Variants in NUP98 observed in about 807,000 individuals in gnomAD.
The protein encoded by NUP98 is nucleoporin 98 and 96 precursor.
In NUP98, 26 loss-of-function variants were observed where a neutral mutation model predicts 191.9. That is an observed-to-expected ratio of 0.14 (90% confidence interval 0.10 to 0.19). NUP98 has a LOEUF of 0.19. Among genes scored for constraint, NUP98 ranks in the 10% least tolerant of loss-of-function variants. The pLI, the probability that NUP98 is intolerant of heterozygous loss-of-function variation, is 1.00. For missense variants in NUP98, 1,941 were observed against 2,178.8 expected, an observed-to-expected ratio of 0.89 and a Z score of 2.17; for synonymous variants, 808 against 778.4, an observed-to-expected ratio of 1.04 and a Z score of -0.63.
intron 1 of NUP98, among the ~76,000 whole-genome samples, chr11:3,786,766 A>G (rs770270265): frequency 7.2e-5 from 11 of 152,232 alleles, no homozygotes; most frequent in Non-Finnish European, 5.9e-5. Flanking sequence ...TTCTACCCAG[A>G]AAAGTAGTGG....
At chr11:3,742,949 G>A (rs2080338927) in intron 12 of NUP98, among the ~76,000 whole-genome samples, 1 of 152,028 alleles carries the variant, frequency 6.6e-6, no homozygotes, top group South Asian at 2.1e-4. Flanking sequence ...ATTTATCTCA[G>A]TTACTCTGTT....
At chr11:3,693,883 C>A (rs1248433983) in intron 26 of NUP98, among the ~76,000 whole-genome samples, 1 of 152,114 alleles carries the variant, frequency 6.6e-6, no homozygotes, top group African/African-American at 2.4e-5. Flanking sequence ...AGAGAAATGG[C>A]TTAAAATAAT....
intron 1 of NUP98, among the ~76,000 whole-genome samples, chr11:3,793,552 CT>C (rs2082425657): frequency 6.6e-6 from 1 of 151,980 alleles, no homozygotes; most frequent in African/African-American, 2.4e-5. Context: ...TCCCAAAGTG[CT>C]GGATTACAGG....
chr11:3,739,209 C>T (rs902821669), intron 12 of NUP98, among the ~76,000 whole-genome samples: 10 of 152,248 alleles, frequency 6.6e-5, no homozygotes, highest in African/African-American at 2.2e-4. Context: ...TATGCTACCA[C>T]CTTCTACTAA....
At chr11:3,762,744 A>C (rs2081215596) in intron 9 of NUP98, among the ~76,000 whole-genome samples, 158 bp downstream of exon 9, 1 of 152,230 alleles carries the variant, frequency 6.6e-6, no homozygotes, top group Non-Finnish European at 1.5e-5. Context: ...ATTTCATTTT[A>C]TATCAAATAA....
chr11:3,692,207 T>C (rs193178660), intron 27 of NUP98, among the ~76,000 whole-genome samples: 50 of 151,782 alleles, frequency 3.3e-4, no homozygotes, highest in African/African-American at 1.2e-3. Context: ...TATGCACCTG[T>C]GGTCCCAGCT....
Position 3,694,559 on chromosome 11 carries a change from T to A in NUP98, c.4167+890A>T, listed in dbSNP as rs12420101. Among the ~76,000 whole-genome samples, 10 of 149,746 alleles carry A rather than the reference T, an allele frequency of 6.7e-5. No homozygotes were observed. In the East Asian group the frequency reaches 1.8e-3, roughly 27 times the overall value. On this transcript the variant is annotated intron_variant, in intron 26 of 32. Coordinates refer to ENST00000324932, the MANE Select transcript of NUP98 (RefSeq NM_016320.5). ...ACCGAGACCATCCTGGCTAACATGG[T>A]GAAACCCTGTCTCTACTTAAAATAC...
In NUP98 at chr11:3,700,219, T is replaced by G. The variant is rs12801012; in HGVS notation, c.3742+391A>C. On this transcript the variant is annotated intron_variant, in intron 24 of 32. Coordinates refer to ENST00000324932, the MANE Select transcript of NUP98 (RefSeq NM_016320.5). ...GAATACAAAAATTAGCTGGGTGTGG[T>G]GGCGCGCGCCTATACTCCCAGCTAC... 2.3e-3 allele frequency among the ~76,000 whole-genome samples: 303 copies of G among 130,960 alleles called. 1 individual carries two copies. Among genetic ancestry groups the G allele is most frequent in the Non-Finnish European group, 3.2e-3 (205 of 64,698 alleles). The allele number at this position is 130,960 out of a possible 152,430, so 85.9% of individuals were successfully genotyped here.
At chr11:3,727,279 G>A (rs1258835609) in intron 14 of NUP98, among the ~76,000 whole-genome samples, 1 of 151,944 alleles carries the variant, frequency 6.6e-6, no homozygotes, top group African/African-American at 2.4e-5. Context: ...AACACAGGAA[G>A]ACCTCATCTC....
chr11:3,780,248 G>A (rs1180993241), intron 2 of NUP98, among the ~76,000 whole-genome samples: 1 of 151,316 alleles, frequency 6.6e-6, no homozygotes, highest in African/African-American at 2.4e-5. Flanking sequence ...CCTGCCAGGT[G>A]CGGGGAAGTT....
intron 31 of NUP98, 160 bp downstream of exon 31, chr11:3,679,394 A>C (rs1255665240): frequency 2.3e-6 from 2 of 860,266 alleles, no homozygotes; most frequent in South Asian, 2.7e-5. Flanking sequence ...TATAGCTGTC[A>C]GAAACGGTTA....
intron 1 of NUP98, among the ~76,000 whole-genome samples, chr11:3,783,898 T>A (rs893147549): frequency 2.0e-5 from 3 of 151,972 alleles, no homozygotes; most frequent in Middle Eastern, 3.4e-3. Flanking sequence ...AAAAAATAAA[T>A]AAAATAAAAA....
intron 14 of NUP98, among the ~76,000 whole-genome samples, chr11:3,725,845 T>G (rs1184342619): frequency 6.6e-6 from 1 of 152,202 alleles, no homozygotes; most frequent in Admixed American, 6.5e-5. Context: ...AGTCTCACTG[T>G]GTCACCCACG....
intron 13 of NUP98, among the ~76,000 whole-genome samples, chr11:3,733,822 G>A (rs2079937239): frequency 1.3e-5 from 2 of 152,160 alleles, no homozygotes; most frequent in Non-Finnish European, 2.9e-5. Context: ...GTTTGTCACT[G>A]GATAGCAACC....
At chr11:3,768,896 A>T in intron 7 of NUP98, 152 bp from the exon 8 acceptor site, 1 of 530,112 alleles carries the variant, frequency 1.9e-6, no homozygotes, top group Non-Finnish European at 3.1e-6. Flanking sequence ...TTCGTTTTCC[A>T]TCCTTCACTT....
chr11:3,685,402 G>C (rs2078106969), intron 29 of NUP98, among the ~76,000 whole-genome samples: 1 of 152,286 alleles, frequency 6.6e-6, no homozygotes, highest in East Asian at 1.9e-4. Context: ...GAAAAAGCAG[G>C]GACCTTTTTG....
chr11:3,763,728 T>C (rs1007305105), intron 8 of NUP98, among the ~76,000 whole-genome samples: 1 of 152,080 alleles, frequency 6.6e-6, no homozygotes, highest in African/African-American at 2.4e-5. Context: ...TTTGCATTTT[T>C]AGTAGAGATG....
chr11:3,713,712 C>CCCAT, intron 19 of NUP98, 106 bp downstream of exon 19: 1 of 1,074,364 alleles, frequency 9.3e-7, no homozygotes, highest in Non-Finnish European at 1.3e-6. Context: ...GAGCAAGAAC[C>CCCAT]CCATCAATCA....
chr11:3,701,245 G>A (rs1589985281), intron 23 of NUP98, among the ~76,000 whole-genome samples: 1 of 149,584 alleles, frequency 6.7e-6, no homozygotes, highest in Non-Finnish European at 1.5e-5. Context: ...GCTAAGCTAG[G>A]CTTGTTCCAA....
Sources: gnomAD v4.1 joint callset for allele counts (sites outside exome capture counted in the v4.1 genomes callset) on GRCh38, gnomAD v4.1.1 for gene constraint, MANE v1.5 for transcripts, NCBI Gene and HGNC (gene_info 2026-07-23, HGNC 2026-07-21) for gene names.